The following A1CF variants were observed in gnomAD, a reference collection of about 807,000 sequenced individuals.
A1CF encodes the protein APOBEC1 complementation factor.
Under a neutral mutation model 68.9 loss-of-function variants are expected in A1CF, and 48 were observed. The ratio of observed to expected loss-of-function variants is 0.70; its 90% CI spans 0.55 to 0.89. A1CF has a LOEUF of 0.89. Ranked by LOEUF, A1CF falls within the 40% of genes least tolerant of loss-of-function variation. The probability of loss-of-function intolerance (pLI) is 0.00; values close to 1 mark genes in which losing one functional copy is unlikely to be tolerated. For synonymous variants in A1CF, 272 were observed against 260.4 expected (o/e 1.04, Z -0.43); for missense variants, 653 against 718.9 (o/e 0.91, Z 1.05).
intron 1 of A1CF, among the ~76,000 whole-genome samples, chr10:50,868,994 G>A (rs1320266929): frequency 1.3e-5 from 2 of 152,164 alleles, no homozygotes; most frequent in Admixed American, 1.3e-4. Flanking sequence ...AGAGGATGCA[G>A]GGTGGGAGGA....
chr10:50,819,013 T>C (rs1238465809), intron 8 of A1CF, among the ~76,000 whole-genome samples: 3 of 152,150 alleles, frequency 2.0e-5, no homozygotes, highest in Admixed American at 6.5e-5. Context: ...TGGTAGGAGG[T>C]TGGAGAAGAG....
At chr10:50,880,082 T>A (rs1848948090) in intron 1 of A1CF, among the ~76,000 whole-genome samples, 1 of 152,228 alleles carries the variant, frequency 6.6e-6, no homozygotes, top group Admixed American at 6.5e-5. Flanking sequence ...GTTCAGGTTC[T>A]GCTCTTGGGT....
intron 1 of A1CF, among the ~76,000 whole-genome samples, chr10:50,875,880 C>T (rs1841489790): frequency 6.6e-6 from 1 of 152,234 alleles, no homozygotes; most frequent in Non-Finnish European, 1.5e-5. Context: ...GGACCCATCA[C>T]TAACTAGAAA....
In A1CF at chr10:50,850,861, C is replaced by G. The variant is rs567241642; in HGVS notation, c.100-6739G>C. ...TAGTCATTCCTTAATCCGTTTGGAG[C>G]TTTTATCCTTAAAGAATGTGTAATT... On this transcript the variant is annotated intron_variant, in intron 3 of 12. Coordinates refer to ENST00000373997, the MANE Select transcript of A1CF (RefSeq NM_014576.4). 7 of 1,530,806 alleles carry G rather than the reference C, an allele frequency of 4.6e-6. No homozygotes were observed. The South Asian group carries it at 8.8e-5, about 19-fold the overall frequency. The allele number at this position is 1,530,806 out of a possible 1,614,324, so 94.8% of individuals were successfully genotyped here. A position where few individuals can be genotyped will look rare whatever the true frequency, so the allele number is the denominator to read the frequency against.
At chr10:50,851,142 ACT>A (rs1459063864) in intron 3 of A1CF, among the ~76,000 whole-genome samples, 1 of 152,068 alleles carries the variant, frequency 6.6e-6, no homozygotes, top group African/African-American at 2.4e-5. Context: ...TCCTTACAAC[ACT>A]CTTGTGAATT....
rs1198044737 is a variant in A1CF, at chr10:50,810,897, C to T, written c.1460+143G>A. Reference sequence around the variant, plus strand: ...TGCTGGTTTCATGGCTGGCACATCCCAACTACACATCTCAATATTTGCATT... The same window carrying T: ...TGCTGGTTTCATGGCTGGCACATCCTAACTACACATCTCAATATTTGCATT... On this transcript the variant is annotated intron_variant, in intron 11 of 12. Coordinates refer to ENST00000373997, the MANE Select transcript of A1CF (RefSeq NM_014576.4). 11 of 1,008,474 alleles carry T rather than the reference C, an allele frequency of 1.1e-5. No homozygotes were observed. The Admixed American group carries it at 1.4e-4, about 12-fold the overall frequency. 62.5% of individuals were successfully genotyped at this position (1,008,474 alleles called of 1,614,324 possible). A position where few individuals can be genotyped will look rare whatever the true frequency, so the allele number is the denominator to read the frequency against.
rs765124661 is a variant in A1CF at position 50,809,981 on chromosome 10, C to T, written c.1522G>A (p.Glu508Lys). ...ATGCCCAGGGTCTGCAGGGTGTATT[C>T]GGCTGCATACGTCTTTGCTTCATCC... is the stretch of plus-strand genomic sequence containing the variant. ...FVDEAKTYAA[E>K]YTLQTLGIPT... The change falls in exon 12 of 13, where the codon GAA becomes AAA. Residue 508 changes from glutamate (E) to lysine (K), a missense_variant. By Grantham distance (56) the Glu-to-Lys change is moderately conservative. Coordinates refer to ENST00000373997, the MANE Select transcript of A1CF (RefSeq NM_014576.4). 8.7e-6 allele frequency: 14 copies of T among 1,613,988 alleles called. No individual in the cohort carries two copies. The East Asian group carries it at 2.0e-4, about 23-fold the overall frequency.
intron 3 of A1CF, among the ~76,000 whole-genome samples, chr10:50,858,275 C>G (rs1174265475): frequency 6.6e-6 from 1 of 151,654 alleles, no homozygotes; most frequent in Non-Finnish European, 1.5e-5. Flanking sequence ...CTGAACGTTA[C>G]CAGAAAAGTT....
chr10:50,882,681 C>A (rs1310472847), intron 1 of A1CF, among the ~76,000 whole-genome samples: 6 of 152,130 alleles, frequency 3.9e-5, no homozygotes, highest in African/African-American at 1.4e-4. Flanking sequence ...GAGAGCTGCA[C>A]TTTGCAGGAG....
chr10:50,869,111 T>G (rs1841133047), intron 1 of A1CF, among the ~76,000 whole-genome samples: 1 of 151,960 alleles, frequency 6.6e-6, no homozygotes, highest in Non-Finnish European at 1.5e-5. Flanking sequence ...GTGTAATAAA[T>G]CTGCACTTGT....
At chr10:50,869,852 T>G (rs1385307920) in intron 1 of A1CF, among the ~76,000 whole-genome samples, 1 of 151,984 alleles carries the variant, frequency 6.6e-6, no homozygotes, top group African/African-American at 2.4e-5. Flanking sequence ...ACAAATTATT[T>G]TTGTTTTCTT....
intron 12 of A1CF, 136 bp downstream of exon 12, chr10:50,809,758 C>A: frequency 2.2e-6 from 3 of 1,345,006 alleles, no homozygotes; most frequent in South Asian, 2.8e-5. Flanking sequence ...TTGGGAAACT[C>A]TTTTTGGTCC....
chr10:50,845,998 C>A (rs1340553748), intron 3 of A1CF, among the ~76,000 whole-genome samples: 1 of 151,454 alleles, frequency 6.6e-6, no homozygotes, highest in African/African-American at 2.4e-5. Flanking sequence ...ATGTATCATG[C>A]CATTAAATAG....
At chr10:50,855,842 C>T (rs551036692) in intron 3 of A1CF, among the ~76,000 whole-genome samples, 19 of 152,078 alleles carry the variant, frequency 1.2e-4, no homozygotes, top group African/African-American at 4.6e-4. Context: ...AAATTCTAAA[C>T]TATCATTTTA....
At chr10:50,865,014 G>A (rs185186591) in intron 1 of A1CF, among the ~76,000 whole-genome samples, 5 of 152,162 alleles carry the variant, frequency 3.3e-5, no homozygotes, top group East Asian at 1.9e-4. Context: ...CGATGGGGCC[G>A]GGTGCAGTGG....
rs1413721547 is a variant in A1CF, at chr10:50,850,883, A to G, written c.100-6761T>C. 7 of 1,474,304 alleles carry G rather than the reference A, an allele frequency of 4.7e-6. No homozygotes were observed. In the East Asian group the frequency reaches 1.6e-4, roughly 34 times the overall value. 91.3% of individuals were successfully genotyped at this position (1,474,304 alleles called of 1,614,324 possible). ...GAGCTTTTATCCTTAAAGAATGTGTAATTTATTCAATAGGCCCATCTAACT... is the reference window on the plus strand; with the variant it reads ...GAGCTTTTATCCTTAAAGAATGTGTGATTTATTCAATAGGCCCATCTAACT... On this transcript the variant is annotated intron_variant, in intron 3 of 12. Coordinates refer to ENST00000373997, the MANE Select transcript of A1CF (RefSeq NM_014576.4).
rs2132298796 is a variant in A1CF, at chr10:50,806,737, T to C, written c.1753A>G (p.Thr585Ala). The C allele has an allele frequency of 6.2e-7, 1 of 1,601,836 alleles. No individual in the cohort carries two copies. Among genetic ancestry groups the C allele is most frequent in the Non-Finnish European group, 8.5e-7 (1 of 1,175,988 alleles). The change falls in exon 13 of 13, where the codon ACC (threonine) becomes GCC (alanine). Residue 585 changes from threonine (T) to alanine (A), a missense_variant. Physicochemically the swap from Thr to Ala is moderately conservative, Grantham distance 58 (BLOSUM62 0). Transcript: ENST00000373997. ...AVTARGDGYG[T>A]F is the part of the protein sequence containing the mutation. ...AATTTAAAAAAGCATCTTCAGAAGG[T>C]GCCATATCCATCCCCTCGGGCAGTC...
chr10:50,803,632 G>A lies in A1CF; in HGVS notation c.*3097C>T, dbSNP rs1837702934. 1 of 152,170 alleles carries A rather than the reference G, an allele frequency of 6.6e-6. No individual in the cohort carries two copies. The highest frequency in any genetic ancestry group is 2.4e-5 in the African/African-American group (1 of 41,438). 9.4% of individuals were successfully genotyped at this position (152,170 alleles called of 1,614,324 possible). ...CAGCACTTTTATAGGAAAGAAAATA[G>A]ATACCCAATCCCATTGCTGATCAAT... On this transcript the variant is annotated 3_prime_UTR_variant, in exon 13 of 13. Transcript: ENST00000373997.
At chr10:50,876,320 C>T (rs1413683610) in intron 1 of A1CF, among the ~76,000 whole-genome samples, 1 of 152,236 alleles carries the variant, frequency 6.6e-6, no homozygotes, top group Non-Finnish European at 1.5e-5. Context: ...GACTTCAATA[C>T]TGTCTTATAA....
Sources: gnomAD v4.1 joint callset for allele counts (sites outside exome capture counted in the v4.1 genomes callset) on GRCh38, gnomAD v4.1.1 for gene constraint, MANE v1.5 for transcripts, NCBI Gene and HGNC (gene_info 2026-07-23, HGNC 2026-07-21) for gene names.